EXOC6B: variants seen among roughly 807,000 people sequenced by gnomAD.
EXOC6B encodes the protein SEC15 homolog B.
In EXOC6B, 54 loss-of-function variants were observed where a neutral mutation model predicts 113.5. The observed-to-expected ratio is 0.48, with a 90% CI of 0.38 to 0.60. EXOC6B has a LOEUF of 0.60. EXOC6B is among the 20% of genes least tolerant of loss of function. The probability of loss-of-function intolerance (pLI) is 0.00; values close to 1 mark genes in which losing one functional copy is unlikely to be tolerated. For synonymous variants in EXOC6B, 357 were observed against 339.0 expected, an observed-to-expected ratio of 1.05 and a Z score of -0.58; for missense variants, 797 against 977.5, an observed-to-expected ratio of 0.82 and a Z score of 2.46.
At chr2:72,486,900 C>T (rs1289082934) in intron 16 of EXOC6B, among the ~76,000 whole-genome samples, 1 of 151,912 alleles carries the variant, frequency 6.6e-6, no homozygotes, top group East Asian at 1.9e-4. Context: ...TAACCGACTT[C>T]CCCTGCTAGC....
At chr2:72,824,894 A>G (rs1686808192) in intron 1 of EXOC6B, among the ~76,000 whole-genome samples, 1 of 152,188 alleles carries the variant, frequency 6.6e-6, no homozygotes, top group East Asian at 1.9e-4. Flanking sequence ...CTATCCGAGT[A>G]GGAATCTGAG....
chr2:72,577,791 A>C (rs1277997484), intron 6 of EXOC6B, among the ~76,000 whole-genome samples: 1 of 152,034 alleles, frequency 6.6e-6, no homozygotes, highest in African/African-American at 2.4e-5. Flanking sequence ...CACTGATTCT[A>C]TCCCTTCAGA....
chr2:72,277,156 T>C (rs904518717), intron 20 of EXOC6B, among the ~76,000 whole-genome samples: 1 of 152,204 alleles, frequency 6.6e-6, no homozygotes, highest in African/African-American at 2.4e-5. Flanking sequence ...AAAGACTGAA[T>C]GTTTTGTTAT....
chr2:72,657,683 C>T (rs1040655996), intron 6 of EXOC6B, among the ~76,000 whole-genome samples: 5 of 134,544 alleles, frequency 3.7e-5, no homozygotes, highest in East Asian at 4.9e-4. Context: ...GTAGTACTGA[C>T]AAAAAGAAAA....
intron 6 of EXOC6B, among the ~76,000 whole-genome samples, chr2:72,620,021 C>T (rs1671649616): frequency 6.6e-6 from 1 of 152,238 alleles, no homozygotes; most frequent in South Asian, 2.1e-4. Flanking sequence ...CCCCGCAGGA[C>T]TGGGGTGCAT....
intron 17 of EXOC6B, among the ~76,000 whole-genome samples, chr2:72,473,684 T>G (rs1282740761): frequency 6.6e-6 from 1 of 152,136 alleles, no homozygotes; most frequent in South Asian, 2.1e-4. Flanking sequence ...AAATTATTAT[T>G]GATATGTGAG....
chr2:72,285,557 C>G (rs967553931), intron 20 of EXOC6B, among the ~76,000 whole-genome samples: 20 of 151,926 alleles, frequency 1.3e-4, no homozygotes, highest in African/African-American at 4.8e-4. Context: ...AAGAGAAAAT[C>G]TAGATAACCT....
chr2:72,250,430 C>T (rs1682939797), intron 20 of EXOC6B, among the ~76,000 whole-genome samples: 1 of 152,104 alleles, frequency 6.6e-6, no homozygotes, highest in African/African-American at 2.4e-5. Context: ...GCAACTTCTG[C>T]CTCATGAGCT....
At chr2:72,446,846 C>T (rs1225716808) in intron 18 of EXOC6B, among the ~76,000 whole-genome samples, 1 of 152,124 alleles carries the variant, frequency 6.6e-6, no homozygotes, top group Non-Finnish European at 1.5e-5. Flanking sequence ...CACAGTGGCT[C>T]ACGCCAGAAC....
intron 7 of EXOC6B, among the ~76,000 whole-genome samples, chr2:72,568,587 CAG>C (rs756376953): frequency 1.6e-4 from 24 of 151,692 alleles, no homozygotes; most frequent in Non-Finnish European, 2.8e-4. Context: ...TCAAATTTTT[CAG>C]AGAGAGGAAG....
intron 6 of EXOC6B, among the ~76,000 whole-genome samples, chr2:72,711,147 T>C (rs1019058008): frequency 5.3e-5 from 8 of 151,960 alleles, no homozygotes; most frequent in Non-Finnish European, 2.9e-5. Flanking sequence ...AAAGGAAAAC[T>C]AGAAAACAGT....
chr2:72,546,070 A>G (rs578224441), intron 8 of EXOC6B, among the ~76,000 whole-genome samples: 1 of 152,328 alleles, frequency 6.6e-6, no homozygotes, highest in Non-Finnish European at 1.5e-5. Context: ...TCTTCAGATT[A>G]GAGTGGGAGA....
intron 6 of EXOC6B, among the ~76,000 whole-genome samples, chr2:72,631,424 G>GTA (rs1672394123): frequency 4.5e-5 from 1 of 22,382 alleles, no homozygotes; most frequent in South Asian, 1.7e-3. Flanking sequence ...GTGTGTGTGT[G>GTA]TGTATATATA....
At chr2:72,344,925 C>T (rs560203598) in intron 19 of EXOC6B, among the ~76,000 whole-genome samples, 3 of 152,054 alleles carry the variant, frequency 2.0e-5, no homozygotes, top group Non-Finnish European at 2.9e-5. Flanking sequence ...AAAGAATGGT[C>T]GCCCATCTCC....
chr2:72,730,451 T>C (rs1038694396), intron 5 of EXOC6B, among the ~76,000 whole-genome samples: 1 of 152,144 alleles, frequency 6.6e-6, no homozygotes, highest in African/African-American at 2.4e-5. Context: ...AGCTATTATC[T>C]TAACTCTTCA....
At chr2:72,203,711 A>C (rs1285840669) in intron 20 of EXOC6B, among the ~76,000 whole-genome samples, 1 of 152,128 alleles carries the variant, frequency 6.6e-6, no homozygotes, top group African/African-American at 2.4e-5. Flanking sequence ...GATATTGGAG[A>C]ATGAATTGTA....
At chr2:72,676,008 C>T (rs1200452816) in intron 6 of EXOC6B, among the ~76,000 whole-genome samples, 1 of 151,484 alleles carries the variant, frequency 6.6e-6, no homozygotes, top group Non-Finnish European at 1.5e-5. Context: ...CCTTCACTGA[C>T]TTTTTCCAAA....
rs144245462 is a variant in EXOC6B, at chr2:72,199,376, C to T, written c.2197-15189G>A. 4.6e-5 allele frequency among the ~76,000 whole-genome samples: 7 copies of T among 152,278 alleles called. No individual in the cohort carries two copies. The East Asian group carries it at 1.4e-3, about 29-fold the overall frequency. ...GGCCAAGTCTAAGAAGCAAAACTTGCTGAAGACTATTCAGAAATACGTGTT... is the reference window on the plus strand; with the variant it reads ...GGCCAAGTCTAAGAAGCAAAACTTGTTGAAGACTATTCAGAAATACGTGTT... On this transcript the variant is annotated intron_variant, in intron 20 of 21. Transcript: ENST00000272427.
chr2:72,223,009 A>G (rs571194024), intron 20 of EXOC6B, among the ~76,000 whole-genome samples: 22 of 152,320 alleles, frequency 1.4e-4, no homozygotes, highest in African/African-American at 5.3e-4. Flanking sequence ...GTGTAGCAGC[A>G]ATAGCATCTG....
Sources: gnomAD v4.1 joint callset for allele counts (sites outside exome capture counted in the v4.1 genomes callset) on GRCh38, gnomAD v4.1.1 for gene constraint, MANE v1.5 for transcripts, NCBI Gene and HGNC (gene_info 2026-07-23, HGNC 2026-07-21) for gene names.